ANOS1: variants seen among roughly 807,000 people sequenced by gnomAD.
The protein encoded by ANOS1 is anosmin 1.
A neutral mutation model predicts 59.0 loss-of-function variants in ANOS1; 6 were observed. That is an observed-to-expected ratio of 0.10 (90% CI 0.06 to 0.20). The LOEUF is 0.20. Among genes scored for constraint, ANOS1 ranks in the 10% least tolerant of loss-of-function variants. The pLI, the probability that ANOS1 is intolerant of heterozygous loss-of-function variation, is 1.00. For synonymous variants in ANOS1, 217 were observed against 223.4 expected, an observed-to-expected ratio of 0.97 and a Z score of 0.25; for missense variants, 433 against 542.3, an observed-to-expected ratio of 0.80 and a Z score of 2.00.
intron 8 of ANOS1, among the ~76,000 whole-genome samples, chrX:8,561,985 T>C (rs1469813425): frequency 9.0e-6 from 1 of 110,832 alleles, no homozygotes; most frequent in Non-Finnish European, 1.9e-5. Context: ...GCCCAAGCTG[T>C]AGTGGAGTGC....
At chrX:8,690,431 A>T (rs1004725421) in intron 2 of ANOS1, among the ~76,000 whole-genome samples, 1 of 112,280 alleles carries the variant, frequency 8.9e-6, no homozygotes, top group African/African-American at 3.2e-5. Context: ...CAACAGGTCT[A>T]AAGTATCTAA....
At chrX:8,594,701 C>CCT (rs1930695792) in intron 4 of ANOS1, among the ~76,000 whole-genome samples, 1 of 46,716 alleles carries the variant, frequency 2.1e-5, no homozygotes, top group South Asian at 1.2e-3. Flanking sequence ...TATATATACA[C>CCT]ATATATATAC....
chrX:8,598,332 T>C (rs1468492693), intron 3 of ANOS1, among the ~76,000 whole-genome samples: 1 of 111,929 alleles, frequency 8.9e-6, no homozygotes, highest in Non-Finnish European at 1.9e-5. Flanking sequence ...GCCTGAGTAA[T>C]GTGAAAGAGC....
intron 2 of ANOS1, 69 bp from the exon 3 acceptor site, chrX:8,623,739 C>G: frequency 1.2e-6 from 1 of 846,397 alleles, no homozygotes; most frequent in Non-Finnish European, 1.7e-6. Flanking sequence ...AAAAAGAATT[C>G]ACCTGTGATT....
Position 8,532,906 on chromosome X carries a change from C to T in ANOS1, c.*89G>A, listed in dbSNP as rs1187139952. The T allele has an allele frequency of 3.4e-6, 2 of 594,468 alleles. No homozygotes were observed. The highest frequency in any genetic ancestry group is 2.2e-5 in the African/African-American group (1 of 45,051). The allele number at this position is 594,468 out of a possible 1,213,427, so 49.0% of individuals were successfully genotyped here. On this transcript the variant is annotated 3_prime_UTR_variant, in exon 14 of 14. Coordinates refer to ENST00000262648, the MANE Select transcript of ANOS1 (RefSeq NM_000216.4). ...GGAGAGTCCGGGCCTCTGAGCAGTT[C>T]CCACTGCCTCTGGAAGTGTGCATGT...
At chrX:8,596,175 T>G (rs774136496) in intron 4 of ANOS1, among the ~76,000 whole-genome samples, 5 of 111,221 alleles carry the variant, frequency 4.5e-5, no homozygotes, top group African/African-American at 1.3e-4. Flanking sequence ...GCACAATAAA[T>G]GTAATGTGCT....
chrX:8,691,669 CAA>C (rs972488518), intron 2 of ANOS1, among the ~76,000 whole-genome samples: 3 of 112,211 alleles, frequency 2.7e-5, no homozygotes, highest in Non-Finnish European at 5.6e-5. Flanking sequence ...TTTTCATGGA[CAA>C]GAGTTATTTT....
chrX:8,644,488 A>C (rs1219875652), intron 2 of ANOS1, among the ~76,000 whole-genome samples: 1 of 111,659 alleles, frequency 9.0e-6, no homozygotes, highest in African/African-American at 3.3e-5. Flanking sequence ...CTGAAAAAAA[A>C]AAAAGTATTT....
Position 8,629,933 on chromosome X carries a change from CAA to C in ANOS1, c.256-6265_256-6264del, listed in dbSNP as rs778426645. 3.6e-5 allele frequency among the ~76,000 whole-genome samples: 4 copies of C among 112,371 alleles called. No homozygotes were observed. In the East Asian group the frequency reaches 1.1e-3, roughly 31 times the overall value. On this transcript the variant is annotated intron_variant, in intron 2 of 13. Transcript: ENST00000262648. ...AAAGAAGCAGCAGGTCCATAGATTT[CAA>C]TCTGTTCGAATTAGCAACAAATTAG...
At chrX:8,577,994 T>C (rs1930357826) in intron 6 of ANOS1, among the ~76,000 whole-genome samples, 1 of 111,964 alleles carries the variant, frequency 8.9e-6, no homozygotes, top group African/African-American at 3.2e-5. Context: ...GCAACGATTA[T>C]AGATCATCAT....
intron 2 of ANOS1, among the ~76,000 whole-genome samples, chrX:8,659,042 A>C (rs956121993): frequency 2.7e-5 from 3 of 111,313 alleles, no homozygotes; most frequent in Non-Finnish European, 3.8e-5. Context: ...TGGCCAACAT[A>C]GTGAAACACT....
At chrX:8,631,969 A>T (rs1225778044) in intron 2 of ANOS1, among the ~76,000 whole-genome samples, 3 of 112,231 alleles carry the variant, frequency 2.7e-5, no homozygotes, top group African/African-American at 9.7e-5. Flanking sequence ...ATCATGTGGC[A>T]TGTTGATAAC....
rs149935507 is a variant in ANOS1 at position 8,643,273 on chromosome X, A to G, written c.256-19603T>C. ...AATCATCTACTCTTTTTAAATGTCAATTTAACAAAATAATGTATCATTTAA... is the reference window on the plus strand; with the variant it reads ...AATCATCTACTCTTTTTAAATGTCAGTTTAACAAAATAATGTATCATTTAA... On this transcript the variant is annotated intron_variant, in intron 2 of 13. Transcript: ENST00000262648. 4.4e-3 allele frequency among the ~76,000 whole-genome samples: 491 copies of G among 112,270 alleles called. 2 individuals carry two copies. Among genetic ancestry groups the G allele is most frequent in the African/African-American group, 0.015 (468 of 30,981 alleles).
chrX:8,553,999 T>C lies in ANOS1; in HGVS notation c.1307A>G (p.Tyr436Cys), dbSNP rs1380651522. 1.1e-5 allele frequency: 13 copies of C among 1,207,485 alleles called. No homozygotes were observed. Among genetic ancestry groups the C allele is most frequent in the African/African-American group, 5.2e-5 (3 of 57,241 alleles). Residue 436 changes from tyrosine (Y) to cysteine (C), a missense_variant, in exon 9 of 14, where the codon TAT becomes TGT. Physicochemically the swap from Tyr to Cys is radical, Grantham distance 194. Transcript: ENST00000262648. ...TTTAACTTGCAGTTGGCCATCCTGA[T>C]AGAAGGGAGCTCCGACTTCCAGCGG... ...TRPLEVGAPF[Y>C]QDGQLQVKVY...
At chrX:8,586,788 GTTT>G (rs927453634) in intron 5 of ANOS1, among the ~76,000 whole-genome samples, 23 of 101,923 alleles carry the variant, frequency 2.3e-4, no homozygotes, top group Non-Finnish European at 4.6e-4. Context: ...ATTTGACCAG[GTTT>G]TTTTTTTTTC....
At chrX:8,635,980 C>T (rs1389688677) in intron 2 of ANOS1, among the ~76,000 whole-genome samples, 1 of 110,884 alleles carries the variant, frequency 9.0e-6, no homozygotes, top group African/African-American at 3.3e-5. Context: ...TCACAGCATT[C>T]GAAGAACTTA....
At position 8,618,471 on chromosome X, in the gene ANOS1, T is replaced by C. The variant is rs759763027; in HGVS notation, c.318+5137A>G. Among the ~76,000 whole-genome samples, 5 of 112,050 alleles carry C rather than the reference T, an allele frequency of 4.5e-5. No individual in the cohort carries two copies. The South Asian group carries it at 1.1e-3, about 25-fold the overall frequency. On this transcript the variant is annotated intron_variant, in intron 3 of 13. Coordinates refer to ENST00000262648, the MANE Select transcript of ANOS1 (RefSeq NM_000216.4). ...GAATCAGAAACGTCAAAGTCAAAGATGGCAGCTGTTTTACCAGCTGTTTTA... is the reference window on the plus strand; with the variant it reads ...GAATCAGAAACGTCAAAGTCAAAGACGGCAGCTGTTTTACCAGCTGTTTTA...
intron 2 of ANOS1, among the ~76,000 whole-genome samples, chrX:8,628,819 C>T (rs1480555955): frequency 4.5e-5 from 5 of 112,201 alleles, no homozygotes; most frequent in Non-Finnish European, 7.5e-5. Flanking sequence ...GAGAGCTAAT[C>T]GCATATGTCA....
chrX:8,635,150 C>T (rs1931551605), intron 2 of ANOS1, among the ~76,000 whole-genome samples: 1 of 110,729 alleles, frequency 9.0e-6, no homozygotes, highest in Non-Finnish European at 1.9e-5. Context: ...ACACAGGAAA[C>T]GAGGTCACTC....
Sources: allele counts gnomAD v4.1 joint callset (sites outside exome capture counted in the v4.1 genomes callset), GRCh38; gene constraint gnomAD v4.1.1; transcripts MANE v1.5; gene names NCBI Gene and HGNC (gene_info 2026-07-23, HGNC 2026-07-21).